Variants in METTL13 observed in about 807,000 individuals in gnomAD.
METTL13 encodes eEF1A lysine and N-terminal methyltransferase.
A neutral mutation model predicts 67.4 loss-of-function variants in METTL13; 52 were observed. That is an observed-to-expected ratio of 0.77 (90% confidence interval 0.62 to 0.97). The LOEUF is 0.97. Among genes scored for constraint, METTL13 ranks in the 50% least tolerant of loss-of-function variants. The pLI is 0.00. For missense variants in METTL13, 825 were observed against 889.6 expected (o/e 0.93, Z 0.92); for synonymous variants, 354 against 353.6 (o/e 1.00, Z -0.01).
intron 3 of METTL13, 101 bp from the exon 4 acceptor site, chr1:171,787,634 C>T (rs755826352): frequency 8.7e-5 from 92 of 1,063,092 alleles, no homozygotes; most frequent in Admixed American, 3.9e-4. Flanking sequence ...TGTCTAGAAC[C>T]GTGGTATGGG....
intron 6 of METTL13, among the ~76,000 whole-genome samples, chr1:171,793,052 A>C (rs1262534348): frequency 6.6e-6 from 1 of 152,148 alleles, no homozygotes; most frequent in Non-Finnish European, 1.5e-5. Context: ...TACTTTCTGG[A>C]GCTCGAGTCC....
intron 4 of METTL13, 112 bp from the exon 5 acceptor site, chr1:171,790,340 T>G: frequency 8.0e-7 from 1 of 1,242,320 alleles, no homozygotes; most frequent in Non-Finnish European, 1.1e-6. Flanking sequence ...TTGCAAAATT[T>G]TAACGATTGG....
Position 171,792,047 on chromosome 1 carries a change from T to C in METTL13, c.1505T>C (p.Leu502Pro). 1 of 1,612,934 alleles carries C rather than the reference T, an allele frequency of 6.2e-7. No homozygotes were observed. Among genetic ancestry groups the C allele is most frequent in the Non-Finnish European group, 8.5e-7 (1 of 1,180,036 alleles). Residue 502 changes from leucine to proline, a missense_variant, in exon 6 of 8, where the codon CTG becomes CCG. Leu to Pro is a moderately conservative substitution (Grantham distance 98, BLOSUM62 -3). Transcript: ENST00000361735. ...EIPLALLVVG[L>P]GGGSLPLFVH... The stretch of plus-strand genomic sequence containing the variant: ...CCACTGGCATTGTTGGTGGTAGGCC[T>C]GGGCGGGGGCAGCCTCCCCCTCTTT...
chr1:171,789,131 C>G (rs1379370027), intron 4 of METTL13, among the ~76,000 whole-genome samples: 1 of 152,080 alleles, frequency 6.6e-6, no homozygotes, highest in Non-Finnish European at 1.5e-5. Context: ...TGTCATGTTC[C>G]TTGATTTCTT....
intron 6 of METTL13, 38 bp from the exon 7 acceptor site, chr1:171,794,358 C>T: frequency 6.2e-7 from 1 of 1,613,598 alleles, no homozygotes; most frequent in Middle Eastern, 1.6e-4. Context: ...ATTATTTTAT[C>T]CAGCAAAGAC....
intron 1 of METTL13, 121 bp downstream of exon 1, chr1:171,782,241 C>A: frequency 1.2e-6 from 1 of 819,282 alleles, no homozygotes; most frequent in Non-Finnish European, 2.0e-6. Flanking sequence ...CATATTTCAG[C>A]ATTTCCTGCA....
rs774565178 is a variant in METTL13, at chr1:171,782,014, A to G, written c.47A>G (p.Tyr16Cys). The change falls in exon 1 of 8, where the codon TAT (tyrosine) becomes TGT (cysteine). Residue 16 changes from tyrosine (Y) to cysteine (C), a missense_variant. Transcript: ENST00000361735. ...KSSREFGSVDYWEKFFQQRGK... is the reference protein window; with the variant it reads ...KSSREFGSVDCWEKFFQQRGK... ...TCCAGGGAGTTTGGCTCCGTTGACTATTGGGAGAAGTTCTTCCAGCAGCGA... is the reference window on the plus strand; with the variant it reads ...TCCAGGGAGTTTGGCTCCGTTGACTGTTGGGAGAAGTTCTTCCAGCAGCGA... The G allele has an allele frequency of 1.5e-5, 25 of 1,614,142 alleles. No homozygotes were observed. The highest frequency in any genetic ancestry group is 2.2e-5 in the East Asian group (1 of 44,880).
intron 5 of METTL13, 199 bp downstream of exon 5, chr1:171,790,815 T>C (rs1657181572): frequency 2.0e-6 from 1 of 489,324 alleles, no homozygotes; most frequent in Non-Finnish European, 3.3e-6. Context: ...TGAAATTGTA[T>C]TGAAATATGT....
At chr1:171,788,804 C>T (rs1027085847) in intron 4 of METTL13, among the ~76,000 whole-genome samples, 17 of 152,344 alleles carry the variant, frequency 1.1e-4, no homozygotes, top group African/African-American at 4.1e-4. Flanking sequence ...AAATGGCTCT[C>T]CTGATTCCCA....
intron 6 of METTL13, 138 bp from the exon 7 acceptor site, chr1:171,794,258 G>A: frequency 7.6e-7 from 1 of 1,314,054 alleles, no homozygotes; most frequent in Non-Finnish European, 1.0e-6. Context: ...TGCCCTTACA[G>A]GCAAACCACA....
chr1:171,786,042 G>A lies in METTL13; in HGVS notation c.1077G>A (p.Met359Ile), dbSNP rs2232819. The A allele has an allele frequency of 0.17, 278,111 of 1,613,532 alleles. 25,640 individuals are homozygous for A. The highest frequency in any genetic ancestry group is 0.19 in the Non-Finnish European group (227,603 of 1,179,746). The change falls in exon 3 of 8, where the codon ATG becomes ATA. Residue 359 changes from methionine (M) to isoleucine (I), a missense_variant. Transcript: ENST00000361735. The part of the protein sequence containing the change: ...HIQAELSARV[M>I]ELAPAGMPTQ... ...AAGCTGAGCTGTCGGCTAGAGTCAT[G>A]GAGCTGGCCCCAGCTGGGATGCCCA...
Position 171,783,995 on chromosome 1 carries a change from C to T in METTL13, c.409C>T (p.Gln137Ter), listed in dbSNP as rs781215535. 12 of 1,614,108 alleles carry T rather than the reference C, an allele frequency of 7.4e-6. No homozygotes were observed. Among genetic ancestry groups the T allele is most frequent in the Non-Finnish European group, 1.0e-5 (12 of 1,180,052 alleles). ...VLTDEEEKTLQQVDRMLAEVG... is the reference protein window; with the variant it reads ...VLTDEEEKTL ...GACAGATGAGGAAGAGAAGACCTTA[C>T]AACAGGTGGACAGGATGCTGGCTGA... Residue 137 changes from glutamine (Q) to a stop codon, truncating the protein, a stop_gained, in exon 2 of 8, where the codon CAA becomes TAA. Transcript: ENST00000361735. LOFTEE classifies it high-confidence loss of function.
chr1:171,789,501 A>G (rs1243138032), intron 4 of METTL13, among the ~76,000 whole-genome samples: 2 of 152,206 alleles, frequency 1.3e-5, no homozygotes, highest in Non-Finnish European at 1.5e-5. Context: ...ATCAACTCCT[A>G]TCTCTACCAT....
chr1:171,796,837 G>T lies in METTL13; in HGVS notation c.*81G>T. 1 of 1,517,146 alleles carries T rather than the reference G, an allele frequency of 6.6e-7. No individual in the cohort carries two copies. The highest frequency in any genetic ancestry group is 8.9e-7 in the Non-Finnish European group (1 of 1,129,230). 94.0% of individuals were successfully genotyped at this position (1,517,146 alleles called of 1,614,324 possible). A position where few individuals can be genotyped will look rare whatever the true frequency, so the allele number is the denominator to read the frequency against. On this transcript the variant is annotated 3_prime_UTR_variant, in exon 8 of 8. Coordinates refer to ENST00000361735, the MANE Select transcript of METTL13 (RefSeq NM_015935.5). ...AGAGAATGAAGAAATACAACGCACAGTACTTTTGAAGCTTCGTATTTTTCT... is the reference window on the plus strand; with the variant it reads ...AGAGAATGAAGAAATACAACGCACATTACTTTTGAAGCTTCGTATTTTTCT...
intron 2 of METTL13, among the ~76,000 whole-genome samples, chr1:171,785,349 G>A (rs186299604): frequency 6.6e-6 from 1 of 152,160 alleles, no homozygotes; most frequent in African/African-American, 2.4e-5. Context: ...CTATAATTCT[G>A]TCTGTCCATG....
At chr1:171,783,539 T>C (rs1357682790) in intron 1 of METTL13, among the ~76,000 whole-genome samples, 2 of 152,240 alleles carry the variant, frequency 1.3e-5, no homozygotes, top group East Asian at 1.9e-4. Flanking sequence ...TGTAGCTGAA[T>C]GTGGTTTTCA....
In METTL13 at chr1:171,782,042, A is replaced by G. The variant is rs1656839246; in HGVS notation, c.75A>G (p.Gly25=). Residue 25 remains glycine (G), a synonymous_variant, in exon 1 of 8, where the codon GGA becomes GGG. Coordinates refer to ENST00000361735, the MANE Select transcript of METTL13 (RefSeq NM_015935.5). ...DYWEKFFQQR[G]KKAFEWYGTY... is the part of the protein sequence containing the mutation. Reference sequence around the variant, plus strand: ...GGGAGAAGTTCTTCCAGCAGCGAGGAAAGAAAGCTTTCGAGTGGTATGGAA... The same window carrying G: ...GGGAGAAGTTCTTCCAGCAGCGAGGGAAGAAAGCTTTCGAGTGGTATGGAA... 1.9e-6 allele frequency: 3 copies of G among 1,614,114 alleles called. No homozygotes were observed. The highest frequency in any genetic ancestry group is 2.5e-6 in the Non-Finnish European group (3 of 1,180,036).
chr1:171,794,302 GC>G, intron 6 of METTL13, 93 bp from the exon 7 acceptor site: 1 of 1,549,906 alleles, frequency 6.5e-7, no homozygotes, highest in South Asian at 1.2e-5. Context: ...TAGTCACCAT[GC>G]CCACCACTGG....
intron 1 of METTL13, among the ~76,000 whole-genome samples, chr1:171,783,254 G>A (rs141836439): frequency 7.4e-4 from 113 of 152,128 alleles, no homozygotes; most frequent in Non-Finnish European, 9.1e-4. Context: ...TTTTAAGTTC[G>A]GCTTCAGAAG....
Sources: allele counts gnomAD v4.1 joint callset (sites outside exome capture counted in the v4.1 genomes callset), GRCh38; gene constraint gnomAD v4.1.1; transcripts MANE v1.5; gene names NCBI Gene and HGNC (gene_info 2026-07-23, HGNC 2026-07-21).